The following SNTG1 variants were observed in gnomAD, a reference collection of about 807,000 sequenced individuals.
SNTG1 encodes the protein gamma-1-syntrophin.
SNTG1 carries 39 observed loss-of-function variants against 74.7 expected under a neutral mutation model. The observed-to-expected ratio is 0.52, with a 90% CI of 0.40 to 0.68. The LOEUF (loss-of-function observed/expected upper bound fraction) is 0.68. SNTG1 is among the 30% of genes least tolerant of loss of function. The probability of loss-of-function intolerance (pLI) is 0.00; values close to 1 mark genes in which losing one functional copy is unlikely to be tolerated. For synonymous variants in SNTG1, 254 were observed against 217.1 expected (o/e 1.17, Z -1.49); for missense variants, 685 against 609.5 (o/e 1.12, Z -1.30).
chr8:50,630,140 A>G (rs1439582575), intron 13 of SNTG1, among the ~76,000 whole-genome samples: 2 of 152,188 alleles, frequency 1.3e-5, no homozygotes, highest in African/African-American at 2.4e-5. Context: ...AATTATTTAT[A>G]TAATCTTCAT....
At chr8:50,298,369 C>G (rs2089488080) in intron 2 of SNTG1, among the ~76,000 whole-genome samples, 1 of 152,060 alleles carries the variant, frequency 6.6e-6, no homozygotes, top group South Asian at 2.1e-4. Context: ...AGTTAGGGCT[C>G]AGATTCATGA....
At chr8:50,199,130 C>T (rs938886259) in intron 2 of SNTG1, among the ~76,000 whole-genome samples, 3 of 150,628 alleles carry the variant, frequency 2.0e-5, no homozygotes, top group African/African-American at 7.3e-5. Flanking sequence ...TTTTATTTTT[C>T]TTTGCAGTGT....
chr8:50,002,755 C>A (rs920483347), intron 1 of SNTG1, among the ~76,000 whole-genome samples: 3 of 151,844 alleles, frequency 2.0e-5, no homozygotes, highest in African/African-American at 4.8e-5. Flanking sequence ...CAAATATATA[C>A]CCAAGAAAAA....
chr8:50,297,880 C>T (rs1215275049), intron 2 of SNTG1, among the ~76,000 whole-genome samples: 30 of 137,514 alleles, frequency 2.2e-4, no homozygotes, highest in African/African-American at 5.9e-4. Flanking sequence ...AAATATGTGG[C>T]TTTTTTTTTT....
At chr8:50,051,529 T>C (rs1006092047) in intron 1 of SNTG1, among the ~76,000 whole-genome samples, 3 of 152,078 alleles carry the variant, frequency 2.0e-5, no homozygotes, top group African/African-American at 7.2e-5. Flanking sequence ...ATAACCAAAA[T>C]TTATTGTCTC....
At chr8:50,487,783 A>G (rs1190100680) in intron 8 of SNTG1, among the ~76,000 whole-genome samples, 2 of 151,880 alleles carry the variant, frequency 1.3e-5, no homozygotes, top group African/African-American at 4.8e-5. Context: ...ACATGTATAC[A>G]TATGTAACTA....
intron 3 of SNTG1, among the ~76,000 whole-genome samples, chr8:50,395,460 A>C (rs1027742863): frequency 4.0e-5 from 6 of 149,160 alleles, no homozygotes; most frequent in Non-Finnish European, 5.9e-5. Context: ...AAACTGAATT[A>C]ATGTTCTAGA....
chr8:50,697,980 T>C (rs748449668), intron 15 of SNTG1, among the ~76,000 whole-genome samples: 5 of 152,256 alleles, frequency 3.3e-5, no homozygotes, highest in Admixed American at 6.5e-5. Context: ...TCCTTTTCAG[T>C]TTTTTGAAAA....
At chr8:50,047,585 G>A (rs1819204752) in intron 1 of SNTG1, among the ~76,000 whole-genome samples, 1 of 152,060 alleles carries the variant, frequency 6.6e-6, no homozygotes, top group Non-Finnish European at 1.5e-5. Flanking sequence ...ACAAATTGAT[G>A]GGGGAAATAG....
At chr8:50,191,483 A>G (rs2083575419) in intron 2 of SNTG1, among the ~76,000 whole-genome samples, 1 of 152,118 alleles carries the variant, frequency 6.6e-6, no homozygotes, top group Non-Finnish European at 1.5e-5. Flanking sequence ...CATTTGCCTC[A>G]CTATCTTTGG....
intron 1 of SNTG1, among the ~76,000 whole-genome samples, chr8:49,982,219 T>C (rs1477130107): frequency 1.3e-5 from 2 of 152,130 alleles, no homozygotes. Flanking sequence ...AGTTATAATA[T>C]GTATGGGCAC....
intron 2 of SNTG1, among the ~76,000 whole-genome samples, chr8:50,338,141 AT>A (rs780147636): frequency 1.1e-4 from 16 of 151,850 alleles, no homozygotes; most frequent in Non-Finnish European, 1.8e-4. Context: ...CTCAAAAAAA[AT>A]AAATAAATAA....
At chr8:50,084,608 A>T (rs1038813448) in intron 1 of SNTG1, among the ~76,000 whole-genome samples, 5 of 152,348 alleles carry the variant, frequency 3.3e-5, no homozygotes, top group African/African-American at 9.6e-5. Context: ...GTGCTATAAC[A>T]TCTAAAATCA....
At chr8:50,102,008 G>T (rs1447832824) in intron 1 of SNTG1, among the ~76,000 whole-genome samples, 2 of 151,896 alleles carry the variant, frequency 1.3e-5, no homozygotes, top group African/African-American at 2.4e-5. Flanking sequence ...GAATAGTGCC[G>T]CAATAAACAT....
intron 1 of SNTG1, among the ~76,000 whole-genome samples, chr8:49,996,668 C>A (rs1295247188): frequency 1.3e-5 from 2 of 152,070 alleles, no homozygotes; most frequent in African/African-American, 2.4e-5. Flanking sequence ...GATTGTCTGG[C>A]AATTATCTAG....
chr8:50,351,358 TGTACAGTTTATACAGGAAAGGC>T (rs2091655421), intron 2 of SNTG1, among the ~76,000 whole-genome samples: 1 of 152,208 alleles, frequency 6.6e-6, no homozygotes, highest in Non-Finnish European at 1.5e-5. Context: ...GCTACACAGG[TGTACAGTTTATACAGGAAAGGC>T]GCTCAAGTAG....
intron 15 of SNTG1, among the ~76,000 whole-genome samples, chr8:50,678,682 T>C (rs1347546784): frequency 1.3e-5 from 2 of 152,136 alleles, no homozygotes; most frequent in Non-Finnish European, 2.9e-5. Context: ...ATCTGAAATA[T>C]TTCCTATTAA....
chr8:50,522,218 T>G (rs1324138424), intron 9 of SNTG1, among the ~76,000 whole-genome samples: 2 of 152,148 alleles, frequency 1.3e-5, no homozygotes, highest in East Asian at 3.9e-4. Flanking sequence ...TACATTAATC[T>G]TTTTCATCTT....
At chr8:50,131,861 A>T (rs34323660) in intron 1 of SNTG1, among the ~76,000 whole-genome samples, 23 of 152,120 alleles carry the variant, frequency 1.5e-4, no homozygotes, top group Non-Finnish European at 4.4e-5. Flanking sequence ...TTATATATAT[A>T]CAATATATAT....
Sources: gnomAD v4.1 joint callset for allele counts (sites outside exome capture counted in the v4.1 genomes callset) on GRCh38, gnomAD v4.1.1 for gene constraint, MANE v1.5 for transcripts, NCBI Gene and HGNC (gene_info 2026-07-23, HGNC 2026-07-21) for gene names.